The following KCNH1 variants were observed in gnomAD, a reference collection of about 807,000 sequenced individuals.
KCNH1 encodes the protein potassium voltage-gated channel subfamily H member 1, also known as voltage-gated delayed rectifier potassium channel KCNH1.
In KCNH1, 27 loss-of-function variants were observed where a neutral mutation model predicts 69.2. The observed-to-expected ratio is 0.39, with a 90% CI of 0.29 to 0.54. KCNH1 has a LOEUF of 0.54. Among genes scored for constraint, KCNH1 ranks in the 20% least tolerant of loss-of-function variants. The pLI, the probability that KCNH1 is intolerant of heterozygous loss-of-function variation, is 0.68. For synonymous variants in KCNH1, 456 were observed against 487.7 expected (o/e 0.93, Z 0.86); for missense variants, 798 against 1,261.6 (o/e 0.63, Z 5.57).
In KCNH1 at chr1:210,919,596, A is replaced by C. The variant is rs1439910108; in HGVS notation, c.1462+44T>G. 1 of 1,541,420 alleles carries C rather than the reference A, an allele frequency of 6.5e-7. No homozygotes were observed. Among genetic ancestry groups the C allele is most frequent in the Admixed American group, 1.7e-5 (1 of 58,536 alleles). On this transcript the variant is annotated intron_variant, in intron 7 of 10. Coordinates refer to ENST00000271751, the MANE Select transcript of KCNH1 (RefSeq NM_172362.3). The surrounding 1 kb of genome is among the most constrained non-coding windows in gnomAD (Gnocchi z 4.2). ...TGTAGCCATTTCCCTGTTTCCAGCT[A>C]ACAGAAGAGATGGCCAACCCCACCC...
intron 10 of KCNH1, among the ~76,000 whole-genome samples, chr1:210,723,657 C>T (rs1682525511): frequency 6.6e-6 from 1 of 152,154 alleles, no homozygotes; most frequent in African/African-American, 2.4e-5. Flanking sequence ...TTTTTCCATT[C>T]TCTTGTTTCT....
intron 1 of KCNH1, among the ~76,000 whole-genome samples, chr1:211,115,587 C>T (rs1046787051): frequency 2.6e-5 from 4 of 151,682 alleles, no homozygotes; most frequent in South Asian, 2.1e-4. Context: ...CCTCAAACAT[C>T]GGTCTCCAAG....
intron 3 of KCNH1, among the ~76,000 whole-genome samples, chr1:211,100,062 A>T (rs1219546622): frequency 1.3e-5 from 2 of 151,992 alleles, no homozygotes; most frequent in Non-Finnish European, 2.9e-5. Flanking sequence ...GGATTTTGCT[A>T]TGTTTCTCAG....
At chr1:210,924,787 G>T (rs956048041) in intron 6 of KCNH1, among the ~76,000 whole-genome samples, 3 of 151,954 alleles carry the variant, frequency 2.0e-5, no homozygotes, top group African/African-American at 7.3e-5. Flanking sequence ...TTCCAGGGTT[G>T]AGAACCAGCC....
intron 7 of KCNH1, chr1:210,860,992 T>C: frequency 4.7e-6 from 5 of 1,054,402 alleles, no homozygotes; most frequent in South Asian, 1.3e-5. Flanking sequence ...GGGCTCCATC[T>C]TTTTTTCAAA....
chr1:210,989,667 C>T (rs1688904627), intron 6 of KCNH1, among the ~76,000 whole-genome samples: 1 of 152,136 alleles, frequency 6.6e-6, no homozygotes, highest in Non-Finnish European at 1.5e-5. Flanking sequence ...TTGTGTGTAG[C>T]ACTTCAAGAG....
chr1:210,998,553 G>C (rs1035860297), intron 6 of KCNH1, among the ~76,000 whole-genome samples: 1 of 152,016 alleles, frequency 6.6e-6, no homozygotes, highest in African/African-American at 2.4e-5. Flanking sequence ...ACTCCCACAC[G>C]ATAATAGTGG....
At chr1:210,939,809 C>A (rs190785839) in intron 6 of KCNH1, among the ~76,000 whole-genome samples, 1 of 152,294 alleles carries the variant, frequency 6.6e-6, no homozygotes, top group Admixed American at 6.5e-5. Context: ...ATGTTCTTAA[C>A]CATTTGCCCT....
chr1:210,717,358 C>T (rs892592938), intron 10 of KCNH1, among the ~76,000 whole-genome samples: 2 of 152,312 alleles, frequency 1.3e-5, no homozygotes, highest in East Asian at 1.9e-4. Flanking sequence ...CACTTTAGTC[C>T]GCAGACTGCA....
chr1:211,018,662 C>A, intron 6 of KCNH1, 121 bp downstream of exon 6: 1 of 811,832 alleles, frequency 1.2e-6, no homozygotes. Context: ...CAAGCATGCT[C>A]CCTCTGTTCT....
chr1:210,728,479 C>G (rs1682663304), intron 10 of KCNH1, among the ~76,000 whole-genome samples: 1 of 152,072 alleles, frequency 6.6e-6, no homozygotes. Flanking sequence ...TAACAATTAC[C>G]AAACATGACT....
intron 5 of KCNH1, among the ~76,000 whole-genome samples, chr1:211,037,758 C>A (rs982000284): frequency 6.6e-6 from 1 of 152,056 alleles, no homozygotes; most frequent in African/African-American, 2.4e-5. Context: ...CAAGACCATA[C>A]CTTGTGATAT....
chr1:211,107,989 A>T (rs972485101), intron 1 of KCNH1, among the ~76,000 whole-genome samples: 1 of 152,206 alleles, frequency 6.6e-6, no homozygotes. Flanking sequence ...CAAGATGCTC[A>T]CACAACAGGA....
intron 1 of KCNH1, among the ~76,000 whole-genome samples, chr1:211,126,420 G>A (rs1229252461): frequency 6.6e-6 from 1 of 151,814 alleles, no homozygotes; most frequent in Non-Finnish European, 1.5e-5. Context: ...TGAGGCAGGA[G>A]AATGGCCTGA....
At chr1:210,811,154 G>A (rs1684693321) in intron 7 of KCNH1, among the ~76,000 whole-genome samples, 1 of 152,164 alleles carries the variant, frequency 6.6e-6, no homozygotes, top group Non-Finnish European at 1.5e-5. Context: ...CTGTTTCACT[G>A]TGCCTGTTGT....
At chr1:210,767,482 G>C (rs1357752184) in intron 10 of KCNH1, among the ~76,000 whole-genome samples, 1 of 152,184 alleles carries the variant, frequency 6.6e-6, no homozygotes, top group African/African-American at 2.4e-5. Context: ...GTGATCATTT[G>C]AGCTGGAAGA....
In KCNH1 at chr1:210,857,951, G is replaced by T. The variant is rs190562420; in HGVS notation, c.1463-53785C>A. Among the ~76,000 whole-genome samples the T allele has an allele frequency of 1.9e-3, 290 of 152,282 alleles. 3 individuals are homozygous for T. The highest frequency in any genetic ancestry group is 3.9e-4 in the East Asian group (2 of 5,172). ...AGATCAGATACCACAATCAACAAGA[G>T]GGGTAGAAGGGATGAGGAAGGGGGA... On this transcript the variant is annotated intron_variant, in intron 7 of 10. Transcript: ENST00000271751.
intron 7 of KCNH1, among the ~76,000 whole-genome samples, chr1:210,821,455 A>G (rs1684927352): frequency 6.6e-6 from 1 of 152,124 alleles, no homozygotes; most frequent in Non-Finnish European, 1.5e-5. Flanking sequence ...AGGTCAGCGT[A>G]TGGTGTCAGA....
At chr1:211,040,791 G>T (rs1053736400) in intron 5 of KCNH1, among the ~76,000 whole-genome samples, 1 of 152,096 alleles carries the variant, frequency 6.6e-6, no homozygotes, top group African/African-American at 2.4e-5. Flanking sequence ...CTGAAAAAAC[G>T]GAACCAGAGA....
Sources: gnomAD v4.1 joint callset for allele counts (sites outside exome capture counted in the v4.1 genomes callset) on GRCh38, gnomAD v4.1.1 for gene constraint, Gnocchi (gnomAD v3.1) non-coding constraint, MANE v1.5 for transcripts, NCBI Gene and HGNC (gene_info 2026-07-23, HGNC 2026-07-21) for gene names.